The following GRTP1 variants were observed in gnomAD, a reference collection of about 807,000 sequenced individuals.
The protein encoded by GRTP1 is growth hormone-regulated TBC protein 1.
GRTP1 carries 56 observed loss-of-function variants against 38.1 expected under a neutral mutation model. The ratio of observed to expected loss-of-function variants is 1.47; its 90% CI spans 1.19 to 1.84. The LOEUF (loss-of-function observed/expected upper bound fraction) is 1.84, where lower values mean the gene tolerates loss of function less well. Ranked by LOEUF, GRTP1 falls within the 40% of genes most tolerant of loss-of-function variation. The pLI, the probability that GRTP1 is intolerant of heterozygous loss-of-function variation, is 0.00. For missense variants in GRTP1, 506 were observed against 453.9 expected (o/e 1.11, Z -1.04); for synonymous variants, 217 against 189.5 (o/e 1.14, Z -1.19).
chr13:113,331,648 CTTTTTTTTTTTT>C (rs59328510), intron 5 of GRTP1, among the ~76,000 whole-genome samples: 1 of 92,988 alleles, frequency 1.1e-5, no homozygotes, highest in African/African-American at 4.6e-5. Context: ...GTTTGGTTTA[CTTTTTTTTTTTT>C]TTTTTTTTTT....
intron 4 of GRTP1, among the ~76,000 whole-genome samples, chr13:113,345,771 C>T (rs190410469): frequency 4.7e-4 from 72 of 152,314 alleles, no homozygotes; most frequent in African/African-American, 1.2e-3. Flanking sequence ...CACTGGAGGA[C>T]GGGCACGCAG....
intron 7 of GRTP1, chr13:113,325,207 C>T (rs556639885): frequency 7.8e-4 from 877 of 1,117,892 alleles, no homozygotes; most frequent in South Asian, 9.9e-4. Flanking sequence ...AGAGTGGCCC[C>T]GAGCCTCCAC....
chr13:113,329,385 C>T (rs957268131), intron 5 of GRTP1, among the ~76,000 whole-genome samples: 10 of 152,046 alleles, frequency 6.6e-5, no homozygotes, highest in Admixed American at 1.3e-4. Flanking sequence ...TGAGACTAGC[C>T]GGGCCAACAT....
intron 5 of GRTP1, among the ~76,000 whole-genome samples, chr13:113,327,327 C>A (rs1182039800): frequency 6.6e-6 from 1 of 152,124 alleles, no homozygotes; most frequent in Non-Finnish European, 1.5e-5. Context: ...TACAGGTGCT[C>A]ACCACCACGC....
intron 2 of GRTP1, among the ~76,000 whole-genome samples, chr13:113,363,523 A>T (rs910051940): frequency 4.2e-4 from 64 of 152,116 alleles, no homozygotes; most frequent in Non-Finnish European, 7.4e-4. Flanking sequence ...GTTTTGATCC[A>T]TCCCGATATG....
intron 5 of GRTP1, among the ~76,000 whole-genome samples, chr13:113,331,894 C>T (rs1240957423): frequency 1.1e-4 from 16 of 150,382 alleles, no homozygotes; most frequent in Non-Finnish European, 5.9e-5. Context: ...TGACCTCAGG[C>T]GATCCACCCA....
Position 113,342,622 on chromosome 13 carries a change from A to G in GRTP1, c.562+2241T>C, listed in dbSNP as rs2043041539. ...GATAACAGTGGCACTGAAACGACCT[A>G]GTTTGGGTAACTATAACTTCGAGGA... is the stretch of plus-strand genomic sequence containing the variant. On this transcript the variant is annotated intron_variant, in intron 5 of 7. Transcript: ENST00000375431. This position sits in a 1 kb window ranked among gnomAD's most constrained non-coding sequence, Gnocchi z 4.5. 7.6e-6 allele frequency among the ~76,000 whole-genome samples: 1 copy of G among 130,858 alleles called. No homozygotes were observed. The highest frequency in any genetic ancestry group is 2.9e-5 in the African/African-American group (1 of 34,732). The allele number at this position is 130,858 out of a possible 152,430, so 85.8% of individuals were successfully genotyped here. A position where few individuals can be genotyped will look rare whatever the true frequency, so the allele number is the denominator to read the frequency against.
In GRTP1 at chr13:113,344,845, CA is replaced by C. The variant is rs1221729799; in HGVS notation, c.562+17del. ...GAAACAGGACAGTTCGGGCATACCG[CA>C]GGAATTTTCAACATACCTGGTAGTA... On this transcript the variant is annotated intron_variant, in intron 5 of 7. Coordinates refer to ENST00000375431, the MANE Select transcript of GRTP1 (RefSeq NM_024719.4). The C allele has an allele frequency of 3.8e-6, 6 of 1,592,522 alleles. No individual in the cohort carries two copies. The African/African-American group carries it at 8.1e-5, about 22-fold the overall frequency.
chr13:113,324,967 C>T (rs745644208), intron 7 of GRTP1: 11 of 530,574 alleles, frequency 2.1e-5, no homozygotes, highest in Non-Finnish European at 2.5e-5. Context: ...ACTGGGACTA[C>T]ATAAGCGTGA....
chr13:113,326,144 G>A, intron 5 of GRTP1, 53 bp from the exon 6 acceptor site: 1 of 1,588,880 alleles, frequency 6.3e-7, no homozygotes, highest in Non-Finnish European at 8.5e-7. Context: ...ACCTCCACAA[G>A]CCCCATTCCC....
At chr13:113,334,258 G>A (rs1032499247) in intron 5 of GRTP1, among the ~76,000 whole-genome samples, 4 of 37,424 alleles carry the variant, frequency 1.1e-4, no homozygotes, top group Admixed American at 1.0e-3. Context: ...CTTCCCCTTC[G>A]TCCCCACCCT....
chr13:113,324,269 A>C lies in GRTP1; in HGVS notation c.*219T>G, dbSNP rs533193914. On this transcript the variant is annotated 3_prime_UTR_variant, in exon 8 of 8. Coordinates refer to ENST00000375431, the MANE Select transcript of GRTP1 (RefSeq NM_024719.4). ...TATATATTATTGATCTCTCAGGTAAAAATAAGTTTTCTTTAAAAAGTATGA... is the reference window on the plus strand; with the variant it reads ...TATATATTATTGATCTCTCAGGTAACAATAAGTTTTCTTTAAAAAGTATGA... 3.6e-6 allele frequency: 2 copies of C among 561,980 alleles called. No homozygotes were observed. The highest frequency in any genetic ancestry group is 5.5e-6 in the Non-Finnish European group (2 of 363,516). 34.8% of individuals were successfully genotyped at this position (561,980 alleles called of 1,614,324 possible).
At chr13:113,345,777 C>T (rs984459810) in intron 4 of GRTP1, among the ~76,000 whole-genome samples, 32 of 152,308 alleles carry the variant, frequency 2.1e-4, no homozygotes, top group Admixed American at 9.2e-4. Flanking sequence ...AGGACGGGCA[C>T]GCAGCCTTAC....
intron 2 of GRTP1, among the ~76,000 whole-genome samples, chr13:113,361,281 G>A (rs1316728188): frequency 2.0e-5 from 3 of 149,888 alleles, no homozygotes; most frequent in African/African-American, 4.9e-5. Context: ...AAGGAGTGGG[G>A]AAAAGAATAA....
chr13:113,354,631 C>T (rs2043346907), intron 3 of GRTP1, among the ~76,000 whole-genome samples: 1 of 151,774 alleles, frequency 6.6e-6, no homozygotes, highest in South Asian at 2.1e-4. Context: ...CGGGTTCAAG[C>T]GATTCTCCTG....
chr13:113,363,643 C>G (rs1485581275), intron 2 of GRTP1, 119 bp downstream of exon 2: 13 of 1,084,952 alleles, frequency 1.2e-5, no homozygotes, highest in African/African-American at 1.6e-5. Context: ...CAGCTTCGTC[C>G]CGACCTGCCC....
chr13:113,330,608 G>A (rs71446948), intron 5 of GRTP1, among the ~76,000 whole-genome samples: 17 of 32,742 alleles, frequency 5.2e-4, no homozygotes, highest in Admixed American at 1.1e-3. Flanking sequence ...GTGTGCATGG[G>A]AGCCCAGGTG....
chr13:113,325,396 CCA>C (rs932578096), intron 7 of GRTP1: 7 of 1,432,810 alleles, frequency 4.9e-6, no homozygotes, highest in Non-Finnish European at 6.4e-6. Context: ...ACTTCTGGCA[CCA>C]CACACAGCAG....
chr13:113,363,717 A>AACCCACCTGCGCCCTCGGG (rs748454894), intron 2 of GRTP1, 45 bp downstream of exon 2: 82,267 of 1,516,654 alleles, frequency 0.054, 2,974 homozygotes, highest in African/African-American at 0.16. Flanking sequence ...GTCCCAGCCC[A>AACCCACCTGCGCCCTCGGG]ACCCACCTGC....
Sources: allele counts gnomAD v4.1 joint callset (sites outside exome capture counted in the v4.1 genomes callset), GRCh38; gene constraint gnomAD v4.1.1; non-coding constraint Gnocchi (gnomAD v3.1); transcripts MANE v1.5; gene names NCBI Gene and HGNC (gene_info 2026-07-23, HGNC 2026-07-21).